The following NCKAP5 variants were observed in gnomAD, a reference collection of about 807,000 sequenced individuals.
NCKAP5 encodes nck-associated protein 5.
Under a neutral mutation model 167.0 loss-of-function variants are expected in NCKAP5, and 92 were observed. The observed-to-expected ratio is 0.55, with a 90% CI of 0.47 to 0.66. NCKAP5 has a LOEUF of 0.66. Among genes scored for constraint, NCKAP5 ranks in the 30% least tolerant of loss-of-function variants. The pLI, the probability that NCKAP5 is intolerant of heterozygous loss-of-function variation, is 0.00. For missense variants in NCKAP5, 2,378 were observed against 2,315.0 expected (o/e 1.03, Z -0.56); for synonymous variants, 891 against 877.4 (o/e 1.02, Z -0.27).
At position 132,673,255 on chromosome 2, in the gene NCKAP5, C is replaced by T. The variant is rs1179675902; in HGVS notation, c.*34G>A. 4 of 1,501,868 alleles carry T rather than the reference C, an allele frequency of 2.7e-6. No homozygotes were observed. The highest frequency in any genetic ancestry group is 2.5e-5 in the East Asian group (1 of 39,348). 93.0% of individuals were successfully genotyped at this position (1,501,868 alleles called of 1,614,324 possible). On this transcript the variant is annotated 3_prime_UTR_variant, in exon 20 of 20. Coordinates refer to ENST00000409261, the MANE Select transcript of NCKAP5 (RefSeq NM_207363.3). ...TATTGAATGACTCTAGGGAAATTTT[C>T]GATAATCTATTCTCGGGATCGTCTT... is the stretch of plus-strand genomic sequence containing the variant.
intron 4 of NCKAP5, among the ~76,000 whole-genome samples, chr2:133,216,859 TG>T (rs2086450585): frequency 6.6e-6 from 1 of 152,106 alleles, no homozygotes; most frequent in Non-Finnish European, 1.5e-5. Flanking sequence ...GGGAAGGCAG[TG>T]TGTACATCTT....
rs768827288 is a variant in NCKAP5 at position 132,783,077 on chromosome 2, C to A, written c.3734G>T (p.Gly1245Val). The change falls in exon 14 of 20, where the codon GGG becomes GTG. Residue 1245 changes from glycine to valine, a missense_variant. By Grantham distance (109) the Gly-to-Val change is moderately radical (BLOSUM62 -3). This residue lies in a region of NCKAP5 where 1,325 missense variants were observed against 1,274.5 expected (regional missense o/e 1.04). Coordinates refer to ENST00000409261, the MANE Select transcript of NCKAP5 (RefSeq NM_207363.3). ...SSIPGSDGRD[G>V]VDNRSMRRSL... is the part of the protein sequence containing the mutation. ...TCTTCTCATGGATCTATTATCTACC[C>A]CATCCCTTCCATCACTCCCAGGGAT... 1.1e-5 allele frequency: 17 copies of A among 1,613,660 alleles called. No homozygotes were observed. Among genetic ancestry groups the A allele is most frequent in the Non-Finnish European group, 1.4e-5 (16 of 1,179,852 alleles).
At chr2:133,265,165 T>C (rs1379794541) in intron 4 of NCKAP5, 1 of 152,064 alleles carries the variant, frequency 6.6e-6, no homozygotes, top group Non-Finnish European at 1.5e-5. Context: ...TACCTATGTA[T>C]AAGGAGGAGT....
At chr2:133,566,338 AC>A (rs1350424457) in intron 1 of NCKAP5, among the ~76,000 whole-genome samples, 33 of 152,184 alleles carry the variant, frequency 2.2e-4, no homozygotes, top group African/African-American at 7.7e-4. Context: ...GTTGGGAATC[AC>A]CTCAGGTATC....
chr2:133,510,182 T>G (rs1336249883), intron 3 of NCKAP5, among the ~76,000 whole-genome samples: 1 of 152,130 alleles, frequency 6.6e-6, no homozygotes, highest in Non-Finnish European at 1.5e-5. Flanking sequence ...AGAGGGAATG[T>G]GCAGCCATTT....
chr2:133,420,670 T>A (rs1689417056), intron 3 of NCKAP5, among the ~76,000 whole-genome samples: 1 of 152,202 alleles, frequency 6.6e-6, no homozygotes, highest in Non-Finnish European at 1.5e-5. Flanking sequence ...GGAAATAATA[T>A]TTTTGGGTGA....
chr2:133,444,403 G>GAT (rs1553641904), intron 3 of NCKAP5, among the ~76,000 whole-genome samples: 1,972 of 105,234 alleles, frequency 0.019, 30 homozygotes, highest in East Asian at 0.084. Flanking sequence ...TAGATAGATA[G>GAT]ATAGATATAG....
chr2:133,507,830 G>A (rs1463878437), intron 3 of NCKAP5, among the ~76,000 whole-genome samples: 1 of 152,160 alleles, frequency 6.6e-6, no homozygotes, highest in East Asian at 1.9e-4. Flanking sequence ...AATGCAACAC[G>A]AAGTAATGAG....
intron 3 of NCKAP5, among the ~76,000 whole-genome samples, chr2:133,405,319 T>C (rs764403166): frequency 6.6e-6 from 1 of 152,190 alleles, no homozygotes; most frequent in Non-Finnish European, 1.5e-5. Context: ...ACAAAGCTTA[T>C]CTAATACACA....
At position 132,731,934 on chromosome 2, in the gene NCKAP5, T is replaced by C; in HGVS notation, c.5246A>G (p.Glu1749Gly). The change falls in exon 17 of 20, where the codon GAG (glutamate) becomes GGG (glycine). Residue 1749 changes from glutamate to glycine, a missense_variant. This residue lies in a region of NCKAP5 where 1,325 missense variants were observed against 1,274.5 expected (regional missense o/e 1.04). Transcript: ENST00000409261. ...GGCTGACTGGAGAGGCAGGAGAGGCTCAGCGTCCTCTGGGGAGTCTGGCTG... is the reference window on the plus strand; with the variant it reads ...GGCTGACTGGAGAGGCAGGAGAGGCCCAGCGTCCTCTGGGGAGTCTGGCTG... ...LCQPDSPEDA[E>G]PLLPLQSALS... The C allele has an allele frequency of 3.1e-6, 5 of 1,613,920 alleles. No homozygotes were observed. The highest frequency in any genetic ancestry group is 4.2e-6 in the Non-Finnish European group (5 of 1,179,880).
Position 132,796,710 on chromosome 2 carries a change from A to C in NCKAP5, c.827T>G (p.Leu276Trp). ...AAGCAAATCTCCAGATGAAAGATCC[A>C]AGAGACGTGAGTGAAGTTTCTAGGT... ...LLLQKLHSRL[L>W]DLSSGDLLSE... Residue 276 changes from leucine (L) to tryptophan (W), a missense_variant, in exon 12 of 20, where the codon TTG becomes TGG. Coordinates refer to ENST00000409261, the MANE Select transcript of NCKAP5 (RefSeq NM_207363.3). The C allele has an allele frequency of 6.2e-7, 1 of 1,612,796 alleles. No individual in the cohort carries two copies. Among genetic ancestry groups the C allele is most frequent in the Non-Finnish European group, 8.5e-7 (1 of 1,179,118 alleles).
chr2:132,700,070 C>A (rs1442896627), intron 19 of NCKAP5, among the ~76,000 whole-genome samples: 3 of 151,480 alleles, frequency 2.0e-5, no homozygotes, highest in African/African-American at 7.4e-5. Flanking sequence ...TTGCATTTCT[C>A]TGATGGCCAA....
At chr2:133,220,449 T>A (rs1437668418) in intron 4 of NCKAP5, among the ~76,000 whole-genome samples, 1 of 152,210 alleles carries the variant, frequency 6.6e-6, no homozygotes, top group Non-Finnish European at 1.5e-5. Context: ...CTTACTCAAT[T>A]TTATATCCAA....
At chr2:133,490,720 C>T (rs1321547266) in intron 3 of NCKAP5, among the ~76,000 whole-genome samples, 1 of 152,208 alleles carries the variant, frequency 6.6e-6, no homozygotes, top group Non-Finnish European at 1.5e-5. Flanking sequence ...ACTGAGCACA[C>T]ACCCATATTT....
chr2:133,049,737 A>C (rs1340571447), intron 6 of NCKAP5, among the ~76,000 whole-genome samples: 2 of 152,106 alleles, frequency 1.3e-5, no homozygotes, highest in African/African-American at 4.8e-5. Flanking sequence ...CATCTCCGTC[A>C]CCAAGACGTG....
chr2:133,559,333 A>C (rs1575158302), intron 1 of NCKAP5, among the ~76,000 whole-genome samples: 1 of 152,240 alleles, frequency 6.6e-6, no homozygotes, highest in Non-Finnish European at 1.5e-5. Context: ...TACTGGGCAA[A>C]ATCGCTGCTG....
At chr2:132,857,575 C>T (rs1689570080) in intron 11 of NCKAP5, among the ~76,000 whole-genome samples, 1 of 152,128 alleles carries the variant, frequency 6.6e-6, no homozygotes, top group Non-Finnish European at 1.5e-5. Flanking sequence ...TTCAAATGAG[C>T]TTAGTTAGGA....
chr2:133,481,582 C>G (rs768013488), intron 3 of NCKAP5, among the ~76,000 whole-genome samples: 2 of 152,200 alleles, frequency 1.3e-5, no homozygotes, highest in Non-Finnish European at 2.9e-5. Context: ...TCTCCCTCCT[C>G]CCATCCTCCA....
chr2:132,878,836 C>T lies in NCKAP5; in HGVS notation c.648+12G>A, dbSNP rs1691524468. 1 of 1,607,656 alleles carries T rather than the reference C, an allele frequency of 6.2e-7. No homozygotes were observed. The highest frequency in any genetic ancestry group is 1.7e-5 in the Admixed American group (1 of 59,974). ...TCCAGCCTTGGATCAGGAGCCTCTC[C>T]ATCCCCCTTACCTCATCAAGACATC... is the stretch of plus-strand genomic sequence containing the variant. On this transcript the variant is annotated intron_variant, in intron 9 of 19. Transcript: ENST00000409261.
Sources: allele counts gnomAD v4.1 joint callset (sites outside exome capture counted in the v4.1 genomes callset), GRCh38; gene constraint gnomAD v4.1.1; regional missense constraint gnomAD v4.1.1; transcripts MANE v1.5; gene names NCBI Gene and HGNC (gene_info 2026-07-23, HGNC 2026-07-21).